Variants in PDK1 observed in about 807,000 individuals in gnomAD.
PDK1 encodes the protein [Pyruvate dehydrogenase (acetyl-transferring)] kinase isozyme 1, mitochondrial.
PDK1 carries 39 observed loss-of-function variants against 54.2 expected under a neutral mutation model. The ratio of observed to expected loss-of-function variants is 0.72; its 90% confidence interval spans 0.56 to 0.94. The LOEUF (loss-of-function observed/expected upper bound fraction) is 0.94. Among genes scored for constraint, PDK1 ranks in the 40% least tolerant of loss-of-function variants. The pLI, the probability that PDK1 is intolerant of heterozygous loss-of-function variation, is 0.00. For missense variants in PDK1, 552 were observed against 566.0 expected, an observed-to-expected ratio of 0.98 and a Z score of 0.25; for synonymous variants, 221 against 207.1, an observed-to-expected ratio of 1.07 and a Z score of -0.58.
Position 172,556,325 on chromosome 2 carries a change from A to G in PDK1, c.175A>G (p.Met59Val), listed in dbSNP as rs1347005262. The change falls in exon 1 of 11, where the codon ATG becomes GTG. Residue 59 changes from methionine (M) to valine (V), a missense_variant. Met to Val is a conservative substitution (Grantham distance 21). Transcript: ENST00000282077. Reference sequence around the variant, plus strand: ...GCGCTTCTCGCCGTCCCCGCTCTCCATGAAGCAGTTCCTGGACTTCGGTGA... The same window carrying G: ...GCGCTTCTCGCCGTCCCCGCTCTCCGTGAAGCAGTTCCTGGACTTCGGTGA... ...YARFSPSPLS[M>V]KQFLDFGSVN... The G allele has an allele frequency of 8.1e-6, 12 of 1,482,958 alleles. No individual in the cohort carries two copies. Among genetic ancestry groups the G allele is most frequent in the Non-Finnish European group, 1.1e-5 (12 of 1,122,996 alleles). The allele number at this position is 1,482,958 out of a possible 1,614,324, so 91.9% of individuals were successfully genotyped here.
At chr2:172,662,947 C>T in the PDK1 span, among the ~76,000 whole-genome samples, 1 of 152,150 alleles carries the variant, frequency 6.6e-6, no homozygotes, top group African/African-American at 2.4e-5. Flanking sequence ...CCTCTAGCTT[C>T]AACCTGTGGC....
At chr2:172,621,693 ATATATGTTTATATATCAAACATGT>A in the PDK1 span, among the ~76,000 whole-genome samples, 2 of 145,922 alleles carry the variant, frequency 1.4e-5, no homozygotes, top group South Asian at 2.1e-4. Context: ...TATATATCAT[ATATATGTTTATATATCAAACATGT>A]TATATGTTTA....
the PDK1 span, among the ~76,000 whole-genome samples, chr2:172,683,457 A>T: frequency 1.3e-5 from 2 of 152,062 alleles, no homozygotes; most frequent in Non-Finnish European, 2.9e-5. Context: ...GGGAGGCCTC[A>T]GGAAGCTTCC....
chr2:172,683,199 T>C, the PDK1 span, among the ~76,000 whole-genome samples: 1 of 151,870 alleles, frequency 6.6e-6, no homozygotes, highest in Admixed American at 6.6e-5. Flanking sequence ...ACAAAAAAAT[T>C]AGCCAGGCGT....
intron 8 of PDK1, among the ~76,000 whole-genome samples, chr2:172,573,476 G>GTA (rs750912369): frequency 1.4e-4 from 21 of 150,440 alleles, no homozygotes; most frequent in South Asian, 4.2e-4. Flanking sequence ...ATGTATATGT[G>GTA]TATATATATA....
chr2:172,674,014 C>G, the PDK1 span, among the ~76,000 whole-genome samples: 2 of 152,234 alleles, frequency 1.3e-5, no homozygotes, highest in Non-Finnish European at 2.9e-5. Flanking sequence ...CAATTTAAAA[C>G]ATACAAAATA....
the PDK1 span, among the ~76,000 whole-genome samples, chr2:172,721,699 A>C: frequency 6.6e-6 from 1 of 152,206 alleles, no homozygotes; most frequent in African/African-American, 2.4e-5. Context: ...CCAGTAATGC[A>C]TGGAAGGGTT....
At chr2:172,675,862 A>C in the PDK1 span, among the ~76,000 whole-genome samples, 2 of 152,212 alleles carry the variant, frequency 1.3e-5, no homozygotes, top group Non-Finnish European at 2.9e-5. Flanking sequence ...AATGGCTTCA[A>C]GGCTCCAAAG....
chr2:172,666,303 G>A, the PDK1 span, among the ~76,000 whole-genome samples: 1 of 152,350 alleles, frequency 6.6e-6, no homozygotes, highest in Non-Finnish European at 1.5e-5. Context: ...AGACATTCCT[G>A]TAGGTATCTT....
the PDK1 span, among the ~76,000 whole-genome samples, chr2:172,646,735 C>CTTTTTTTTTTTTTTTTTTTTTTTTTTTTT: frequency 2.2e-4 from 16 of 72,046 alleles, 1 homozygote; most frequent in African/African-American, 6.2e-4. Flanking sequence ...CTTGCATTTC[C>CTTTTTTTTTTTTTTTTTTTTTTTTTTTTT]TTTTTTTTTT....
chr2:172,696,814 A>G, the PDK1 span, among the ~76,000 whole-genome samples: 1 of 152,220 alleles, frequency 6.6e-6, no homozygotes, highest in Non-Finnish European at 1.5e-5. Context: ...AAGACTACTT[A>G]TTCATGATCT....
At chr2:172,577,916 C>G (rs768750217) in intron 8 of PDK1, among the ~76,000 whole-genome samples, 21 of 152,140 alleles carry the variant, frequency 1.4e-4, no homozygotes, top group Non-Finnish European at 1.5e-5. Flanking sequence ...CTTTTACTGG[C>G]ACTGTTTATT....
intron 3 of PDK1, among the ~76,000 whole-genome samples, chr2:172,562,991 T>C (rs1469431524): frequency 6.6e-6 from 1 of 152,242 alleles, no homozygotes; most frequent in Non-Finnish European, 1.5e-5. Context: ...TTTTTAAACA[T>C]GATTTTAATC....
At chr2:172,559,284 G>A (rs1490539988) in intron 2 of PDK1, among the ~76,000 whole-genome samples, 1 of 152,122 alleles carries the variant, frequency 6.6e-6, no homozygotes, top group African/African-American at 2.4e-5. Context: ...TTTTTTGGCT[G>A]GGGGCAGGTG....
the PDK1 span, among the ~76,000 whole-genome samples, chr2:172,688,892 G>C: frequency 3.3e-5 from 5 of 152,214 alleles, no homozygotes; most frequent in African/African-American, 1.2e-4. Flanking sequence ...GTTCCTTCCA[G>C]TGGGTTCATG....
At chr2:172,570,498 T>C (rs1366297095) in intron 7 of PDK1, 1 of 389,278 alleles carries the variant, frequency 2.6e-6, no homozygotes, top group African/African-American at 2.1e-5. Context: ...AAGTCTGACT[T>C]TGGAAAATAA....
downstream of PDK1, among the ~76,000 whole-genome samples, chr2:172,611,706 T>C (rs1488330858): frequency 2.0e-5 from 3 of 152,216 alleles, no homozygotes; most frequent in Non-Finnish European, 4.4e-5. Flanking sequence ...CATGACCAAA[T>C]GTGATTTATC....
At chr2:172,650,806 T>A in the PDK1 span, among the ~76,000 whole-genome samples, 11 of 152,168 alleles carry the variant, frequency 7.2e-5, no homozygotes, top group African/African-American at 2.2e-4. Context: ...ATGCACCCAA[T>A]ACAGGAGCAC....
the PDK1 span, among the ~76,000 whole-genome samples, chr2:172,643,061 G>A: frequency 6.6e-6 from 1 of 152,322 alleles, no homozygotes; most frequent in African/African-American, 2.4e-5. Context: ...TTTGGAAGGA[G>A]GTAGCACTCA....
Sources: gnomAD v4.1 joint callset for allele counts (sites outside exome capture counted in the v4.1 genomes callset) on GRCh38, gnomAD v4.1.1 for gene constraint, MANE v1.5 for transcripts, NCBI Gene and HGNC (gene_info 2026-07-23, HGNC 2026-07-21) for gene names.